Variants in CELSR1 observed in about 807,000 individuals in gnomAD.
The protein encoded by CELSR1 is cadherin EGF LAG seven-pass G-type receptor 1.
A neutral mutation model predicts 249.1 loss-of-function variants in CELSR1; 110 were observed. That is an observed-to-expected ratio of 0.44 (90% CI 0.38 to 0.52). CELSR1 has a LOEUF of 0.52. Ranked by LOEUF, CELSR1 falls within the 20% of genes least tolerant of loss-of-function variation. The probability of loss-of-function intolerance (pLI) is 0.00; values close to 1 mark genes in which losing one functional copy is unlikely to be tolerated. For synonymous variants in CELSR1, 2,113 were observed against 1,900.0 expected (o/e 1.11, Z -2.92); for missense variants, 4,109 against 4,296.4 (o/e 0.96, Z 1.22).
At position 46,437,055 on chromosome 22, in the gene CELSR1, A is replaced by G. The variant is rs10427927; in HGVS notation, c.4407-766T>C. On this transcript the variant is annotated intron_variant, in intron 3 of 34. Coordinates refer to ENST00000674500, the MANE Select transcript of CELSR1 (RefSeq NM_001378328.1). The surrounding 1 kb of genome is among the most constrained non-coding windows in gnomAD (Gnocchi z 4.9). ...CCAGAACCCAAAGAAGATCTGGTCC[A>G]TATCAGTGCTTAATATGGGCTGTTT... 6.6e-6 allele frequency among the ~76,000 whole-genome samples: 1 copy of G among 152,228 alleles called. No homozygotes were observed. Among genetic ancestry groups the G allele is most frequent in the Non-Finnish European group, 1.5e-5 (1 of 68,040 alleles).
At chr22:46,416,479 G>A (rs773608111) in intron 5 of CELSR1, among the ~76,000 whole-genome samples, 6 of 152,190 alleles carry the variant, frequency 3.9e-5, no homozygotes, top group Non-Finnish European at 7.3e-5. Flanking sequence ...CACTCAGGCC[G>A]AGCAAGGCAG....
At chr22:46,397,103 CTTTTA>C (rs1312110983) in intron 12 of CELSR1, among the ~76,000 whole-genome samples, 1 of 151,848 alleles carries the variant, frequency 6.6e-6, no homozygotes, top group Non-Finnish European at 1.5e-5. Flanking sequence ...TTCACTAATT[CTTTTA>C]TTTATTTATT....
At position 46,534,826 on chromosome 22, in the gene CELSR1, G is replaced by A; in HGVS notation, c.2345C>T (p.Ala782Val). The A allele has an allele frequency of 6.2e-7, 1 of 1,613,010 alleles. No individual in the cohort carries two copies. Among genetic ancestry groups the A allele is most frequent in the East Asian group, 2.2e-5 (1 of 44,876 alleles). Residue 782 changes from alanine to valine, a missense_variant, in exon 1 of 35, where the codon GCC (alanine) becomes GTC (valine). Physicochemically the swap from Ala to Val is moderately conservative, Grantham distance 64. Coordinates refer to ENST00000674500, the MANE Select transcript of CELSR1 (RefSeq NM_001378328.1). This position sits in a 1 kb window ranked among gnomAD's most constrained non-coding sequence, Gnocchi z 9.7. ...CTGAAAGACAGGCCTGTGGGTGTTG[G>A]CATCAGTGACGTTGATTAGGACATG... ...TAHVLINVTD[A>V]NTHRPVFQSS...
intron 20 of CELSR1, among the ~76,000 whole-genome samples, chr22:46,383,523 T>C (rs922719367): frequency 6.6e-6 from 1 of 152,198 alleles, no homozygotes; most frequent in Non-Finnish European, 1.5e-5. Flanking sequence ...TATTTCTATT[T>C]AGAAGCAGCT....
chr22:46,421,423 C>T (rs1171679174), intron 5 of CELSR1, among the ~76,000 whole-genome samples: 1 of 152,182 alleles, frequency 6.6e-6, no homozygotes, highest in African/African-American at 2.4e-5. Context: ...GGCGACTTTC[C>T]ATAACAGGGT....
In CELSR1 at chr22:46,526,990, GT is replaced by G. The variant is rs1481224736; in HGVS notation, c.3544+6636del. ...TTTCACTCTCATCCTCCCAGAGCCA[GT>G]TTTTTCTGGAAGGCACAGACAGGGA... On this transcript the variant is annotated intron_variant, in intron 1 of 34. Coordinates refer to ENST00000674500, the MANE Select transcript of CELSR1 (RefSeq NM_001378328.1). This position sits in a 1 kb window ranked among gnomAD's most constrained non-coding sequence, Gnocchi z 4.7. Among the ~76,000 whole-genome samples the G allele has an allele frequency of 6.6e-6, 1 of 152,202 alleles. No homozygotes were observed.
intron 2 of CELSR1, among the ~76,000 whole-genome samples, chr22:46,459,023 G>A (rs1186472152): frequency 6.6e-6 from 1 of 152,024 alleles, no homozygotes; most frequent in East Asian, 1.9e-4. Context: ...CTCCCAAGTA[G>A]CTGGGACTAC....
chr22:46,370,991 G>C (rs546468327), intron 25 of CELSR1, among the ~76,000 whole-genome samples: 2 of 152,236 alleles, frequency 1.3e-5, no homozygotes, highest in Non-Finnish European at 2.9e-5. Flanking sequence ...CCTGGACATC[G>C]AGGTGGCTTT....
At chr22:46,404,294 C>A (rs1021829311) in intron 9 of CELSR1, among the ~76,000 whole-genome samples, 8 of 151,758 alleles carry the variant, frequency 5.3e-5, no homozygotes, top group African/African-American at 1.9e-4. Context: ...CACCTGTAAT[C>A]TCAGCTACTC....
At position 46,434,018 on chromosome 22, in the gene CELSR1, G is replaced by A. The variant is rs1345292176; in HGVS notation, c.4523-537C>T. Among the ~76,000 whole-genome samples, 4 of 152,138 alleles carry A rather than the reference G, an allele frequency of 2.6e-5. No homozygotes were observed. The highest frequency in any genetic ancestry group is 6.5e-5 in the Admixed American group (1 of 15,274). ...TCTAAATATGAAAAAATATAAACAC[G>A]GAAAACCCATCTGTCTGTACCAGCA... is the stretch of plus-strand genomic sequence containing the variant. On this transcript the variant is annotated intron_variant, in intron 4 of 34. Transcript: ENST00000674500. The surrounding 1 kb of genome is among the most constrained non-coding windows in gnomAD (Gnocchi z 4.9).
chr22:46,396,831 A>T lies in CELSR1; in HGVS notation c.5702-85T>A. 1 of 1,527,726 alleles carries T rather than the reference A, an allele frequency of 6.5e-7. No homozygotes were observed. The highest frequency in any genetic ancestry group is 8.9e-7 in the Non-Finnish European group (1 of 1,127,912). 94.6% of individuals were successfully genotyped at this position (1,527,726 alleles called of 1,614,324 possible). A position where few individuals can be genotyped will look rare whatever the true frequency, so the allele number is the denominator to read the frequency against. On this transcript the variant is annotated intron_variant, in intron 12 of 34. Coordinates refer to ENST00000674500, the MANE Select transcript of CELSR1 (RefSeq NM_001378328.1). This position sits in a 1 kb window ranked among gnomAD's most constrained non-coding sequence, Gnocchi z 6.4. ...ATATCTGGAGCAACCTGTCCCCTCCAGAAGATCTGACTTTCCCTGGTACTC... is the reference window on the plus strand; with the variant it reads ...ATATCTGGAGCAACCTGTCCCCTCCTGAAGATCTGACTTTCCCTGGTACTC...
chr22:46,510,341 CCT>C (rs2080560255), intron 1 of CELSR1, among the ~76,000 whole-genome samples: 2 of 152,180 alleles, frequency 1.3e-5, no homozygotes, highest in Admixed American at 1.3e-4. Context: ...GAATGCACCC[CCT>C]TTCCGAGCCA....
At chr22:46,415,056 T>C (rs1003866643) in intron 5 of CELSR1, among the ~76,000 whole-genome samples, 1 of 152,264 alleles carries the variant, frequency 6.6e-6, no homozygotes, top group African/African-American at 2.4e-5. Flanking sequence ...TCCTACACAA[T>C]GTCCAGGACA....
At position 46,413,518 on chromosome 22, in the gene CELSR1, C is replaced by CT. The variant is rs1341248884; in HGVS notation, c.4612-1760dup. Among the ~76,000 whole-genome samples, 14 of 152,226 alleles carry CT rather than the reference C, an allele frequency of 9.2e-5. No individual in the cohort carries two copies. The highest frequency in any genetic ancestry group is 2.1e-4 in the Non-Finnish European group (14 of 68,050). ...TTTACTATTAGAACACACGTCCTCT[C>CT]TGTGTTACAGGGAATTGAGGATGAT... On this transcript the variant is annotated intron_variant, in intron 5 of 34. Coordinates refer to ENST00000674500, the MANE Select transcript of CELSR1 (RefSeq NM_001378328.1). This position sits in a 1 kb window ranked among gnomAD's most constrained non-coding sequence, Gnocchi z 4.7.
Position 46,363,305 on chromosome 22 carries a change from T to G in CELSR1, c.9036-58A>C, listed in dbSNP as rs1602014854. 4 of 1,481,318 alleles carry G rather than the reference T, an allele frequency of 2.7e-6. No homozygotes were observed. Among genetic ancestry groups the G allele is most frequent in the Non-Finnish European group, 2.8e-6 (3 of 1,073,424 alleles). The allele number at this position is 1,481,318 out of a possible 1,614,324, so 91.8% of individuals were successfully genotyped here. A position where few individuals can be genotyped will look rare whatever the true frequency, so the allele number is the denominator to read the frequency against. ...AGGGTCAGTGAGGGTAGCGGCTTGG[T>G]GGGGCCCAAGGTTGTCACACGGGGG... On this transcript the variant is annotated intron_variant, in intron 34 of 34. Transcript: ENST00000674500. This position sits in a 1 kb window ranked among gnomAD's most constrained non-coding sequence, Gnocchi z 4.3.
chr22:46,425,505 T>C (rs191268106), intron 5 of CELSR1, among the ~76,000 whole-genome samples: 7 of 152,272 alleles, frequency 4.6e-5, no homozygotes, highest in Admixed American at 1.3e-4. Flanking sequence ...CTTGGGTGAG[T>C]TGTAGTAGTT....
At chr22:46,458,351 G>A (rs527265972) in intron 2 of CELSR1, among the ~76,000 whole-genome samples, 17 of 152,220 alleles carry the variant, frequency 1.1e-4, no homozygotes, top group Non-Finnish European at 2.4e-4. Flanking sequence ...TGCTTCACCA[G>A]GCATCCTGGG....
In CELSR1 at chr22:46,512,632, G is replaced by A. The variant is rs2080585507; in HGVS notation, c.3544+20995C>T. On this transcript the variant is annotated intron_variant, in intron 1 of 34. Coordinates refer to ENST00000674500, the MANE Select transcript of CELSR1 (RefSeq NM_001378328.1). The surrounding 1 kb of genome is among the most constrained non-coding windows in gnomAD (Gnocchi z 5.2). Reference sequence around the variant, plus strand: ...TTGCCTTGACATCTGCTGAAGCCAGGAGGCCTCAAATGGCCTCACCACAGG... The same window carrying A: ...TTGCCTTGACATCTGCTGAAGCCAGAAGGCCTCAAATGGCCTCACCACAGG... 6.6e-6 allele frequency among the ~76,000 whole-genome samples: 1 copy of A among 152,146 alleles called. No homozygotes were observed. Among genetic ancestry groups the A allele is most frequent in the African/African-American group, 2.4e-5 (1 of 41,420 alleles).
chr22:46,367,211 T>C (rs1038934190), intron 28 of CELSR1, 93 bp from the exon 29 acceptor site: 26 of 1,477,306 alleles, frequency 1.8e-5, no homozygotes, highest in Non-Finnish European at 2.4e-5. Flanking sequence ...CAGCCTTGAG[T>C]GCACACAACA....
Sources: gnomAD v4.1 joint callset for allele counts (sites outside exome capture counted in the v4.1 genomes callset) on GRCh38, gnomAD v4.1.1 for gene constraint, Gnocchi (gnomAD v3.1) non-coding constraint, MANE v1.5 for transcripts, NCBI Gene and HGNC (gene_info 2026-07-23, HGNC 2026-07-21) for gene names.